Variants in STK3 observed in about 807,000 individuals in gnomAD.
STK3 encodes serine/threonine kinase 3, also known as serine/threonine-protein kinase 3.
Under a neutral mutation model 58.0 loss-of-function variants are expected in STK3, and 41 were observed. The observed-to-expected ratio is 0.71, with a 90% CI of 0.55 to 0.92. STK3 has a LOEUF of 0.92. Among genes scored for constraint, STK3 ranks in the 40% least tolerant of loss-of-function variants. STK3 has a pLI of 0.00. For missense variants in STK3, 479 were observed against 602.7 expected (o/e 0.79, Z 2.15); for synonymous variants, 170 against 191.0 (o/e 0.89, Z 0.91).
intron 6 of STK3, among the ~76,000 whole-genome samples, chr8:98,663,321 A>G (rs1260516172): frequency 1.3e-5 from 2 of 152,212 alleles, no homozygotes; most frequent in Non-Finnish European, 2.9e-5. Flanking sequence ...CCACAATGAG[A>G]TACCATCTCA....
intron 4 of STK3, chr8:98,722,667 C>T (rs1827517897): frequency 6.3e-6 from 1 of 157,850 alleles, no homozygotes; most frequent in African/African-American, 2.4e-5. Flanking sequence ...AGCCAATTAC[C>T]AAAAGTAGCT....
intron 6 of STK3, among the ~76,000 whole-genome samples, chr8:98,689,154 T>G (rs1454578714): frequency 6.6e-6 from 1 of 152,112 alleles, no homozygotes. Flanking sequence ...GTAGAAAATC[T>G]AGAGGAAATT....
intron 4 of STK3, among the ~76,000 whole-genome samples, chr8:98,746,476 G>A (rs935955539): frequency 4.5e-4 from 68 of 152,094 alleles, no homozygotes; most frequent in African/African-American, 1.6e-3. Flanking sequence ...AGCCAGGCAT[G>A]GTACCACACG....
chr8:98,649,947 T>C (rs895237159), intron 6 of STK3, among the ~76,000 whole-genome samples: 6 of 152,192 alleles, frequency 3.9e-5, no homozygotes, highest in African/African-American at 1.4e-4. Context: ...AGTGTACTTC[T>C]TTTGTTAACT....
chr8:98,651,042 A>G lies in STK3; in HGVS notation c.685-54873T>C, dbSNP rs536736439. The stretch of plus-strand genomic sequence containing the variant: ...TGAGAACGGGCAGACTGCCTCCTCA[A>G]GTGGGTCCCTGACCCCTGGCCCTGG... On this transcript the variant is annotated intron_variant, in intron 6 of 10. Transcript: ENST00000419617. Among the ~76,000 whole-genome samples the G allele has an allele frequency of 7.1e-4, 108 of 152,354 alleles. 1 individual carries two copies. Among genetic ancestry groups the G allele is most frequent in the African/African-American group, 2.6e-3 (107 of 41,598 alleles).
At chr8:98,883,724 G>A (rs1209936525), downstream of STK3, 1 of 702,854 alleles carries the variant, frequency 1.4e-6, no homozygotes, top group Admixed American at 2.0e-5. Context: ...TCCTAAGGCA[G>A]ATGGTAATGC....
chr8:98,721,032 C>T (rs1350388403), intron 4 of STK3: 1 of 925,276 alleles, frequency 1.1e-6, no homozygotes, highest in Non-Finnish European at 1.3e-6. Flanking sequence ...CCAAACAAAA[C>T]AAATATACCT....
At chr8:98,551,743 C>A (rs951998941) in intron 8 of STK3, among the ~76,000 whole-genome samples, 2 of 152,118 alleles carry the variant, frequency 1.3e-5, no homozygotes, top group Non-Finnish European at 1.5e-5. Context: ...TTCCTTTACC[C>A]CCCGAATATG....
At chr8:98,774,695 T>C in intron 2 of STK3, 44 bp downstream of exon 2, 1 of 1,336,146 alleles carries the variant, frequency 7.5e-7, no homozygotes, top group Non-Finnish European at 1.0e-6. Flanking sequence ...ATTTTTTAAA[T>C]TGTTCTGAAA....
chr8:98,721,411 T>C (rs1827414314), intron 4 of STK3, among the ~76,000 whole-genome samples: 1 of 152,044 alleles, frequency 6.6e-6, no homozygotes, highest in South Asian at 2.1e-4. Context: ...AGGCCTATAG[T>C]CTCAGCTACC....
At chr8:98,574,150 C>A (rs1037721265) in intron 8 of STK3, among the ~76,000 whole-genome samples, 16 of 152,036 alleles carry the variant, frequency 1.1e-4, no homozygotes, top group African/African-American at 3.4e-4. Context: ...AGAAAAGTAA[C>A]AGGAAAAGTA....
chr8:98,409,371 CT>C (rs1203477404), intron 3 of STK3, among the ~76,000 whole-genome samples: 2 of 152,218 alleles, frequency 1.3e-5, no homozygotes, highest in Non-Finnish European at 2.9e-5. Context: ...CCTTCTAAGC[CT>C]TCTGTCTGCA....
At chr8:98,798,454 A>G (rs949007506) in intron 1 of STK3, among the ~76,000 whole-genome samples, 2 of 152,204 alleles carry the variant, frequency 1.3e-5, no homozygotes, top group African/African-American at 4.8e-5. Context: ...AAAGGCCCCC[A>G]AAAACGTTAT....
At chr8:98,517,368 T>C (rs539322496) in intron 10 of STK3, among the ~76,000 whole-genome samples, 1 of 152,156 alleles carries the variant, frequency 6.6e-6, no homozygotes, top group African/African-American at 2.4e-5. Context: ...GGGCTTTCTA[T>C]TTTTATGAAT....
chr8:98,579,095 G>A (rs1813646726), intron 8 of STK3, among the ~76,000 whole-genome samples: 1 of 152,012 alleles, frequency 6.6e-6, no homozygotes, highest in Non-Finnish European at 1.5e-5. Flanking sequence ...AGGTTGCAGT[G>A]AGCCAAGATC....
At chr8:98,524,511 A>T (rs541719183) in intron 10 of STK3, among the ~76,000 whole-genome samples, 17 of 152,204 alleles carry the variant, frequency 1.1e-4, no homozygotes, top group Non-Finnish European at 2.5e-4. Context: ...ATTGATATCT[A>T]ATTTCTTTCA....
rs183433011 is a variant in STK3, at chr8:98,515,336, A to G, written c.1317+11406T>C. On this transcript the variant is annotated intron_variant, in intron 10 of 10. Coordinates refer to ENST00000419617, the MANE Select transcript of STK3 (RefSeq NM_006281.4). ...CTAGGTTACTACTGCATCATATCCA[A>G]TACTAGTCTGTTCAGCAGACATGGT... Among the ~76,000 whole-genome samples the G allele has an allele frequency of 1.1e-4, 17 of 152,178 alleles. No homozygotes were observed. In the East Asian group the frequency reaches 3.1e-3, roughly 28 times the overall value.
At chr8:98,502,515 C>T (rs1349905816) in intron 10 of STK3, among the ~76,000 whole-genome samples, 1 of 152,056 alleles carries the variant, frequency 6.6e-6, no homozygotes, top group African/African-American at 2.4e-5. Flanking sequence ...CAGTTTTTGC[C>T]CATTCAGTAT....
At chr8:98,388,144 C>A (rs1044007378) in intron 1 of STK3, 13 of 152,172 alleles carry the variant, frequency 8.5e-5, no homozygotes, top group African/African-American at 3.1e-4. Context: ...ATAACTACTT[C>A]AGTATTCTGA....
Sources: allele counts gnomAD v4.1 joint callset (sites outside exome capture counted in the v4.1 genomes callset), GRCh38; gene constraint gnomAD v4.1.1; transcripts MANE v1.5; gene names NCBI Gene and HGNC (gene_info 2026-07-23, HGNC 2026-07-21).